The following RBPMS variants were observed in gnomAD, a reference collection of about 807,000 sequenced individuals.
RBPMS encodes RNA-binding protein with multiple splicing.
RBPMS carries 7 observed loss-of-function variants against 26.8 expected under a neutral mutation model. The observed-to-expected ratio is 0.26, with a 90% CI of 0.15 to 0.49. The LOEUF (loss-of-function observed/expected upper bound fraction) is 0.49. RBPMS is among the 20% of genes least tolerant of loss of function. RBPMS has a pLI of 0.98. For synonymous variants in RBPMS, 96 were observed against 93.3 expected (o/e 1.03, Z -0.17); for missense variants, 186 against 250.0 (o/e 0.74, Z 1.73).
chr8:30,456,909 A>G (rs1815283135), intron 1 of RBPMS, among the ~76,000 whole-genome samples: 1 of 152,252 alleles, frequency 6.6e-6, no homozygotes, highest in Non-Finnish European at 1.5e-5. Flanking sequence ...AGACAGAGCG[A>G]GACTCCATCT....
chr8:30,511,483 AAAAATATATATATATATATATATATAT>A (rs1237596899), intron 5 of RBPMS, among the ~76,000 whole-genome samples: 1 of 4,608 alleles, frequency 2.2e-4, no homozygotes, highest in African/African-American at 3.8e-4. Context: ...AAAAAAAAAA[AAAAATATATATATATATATATATATAT>A]ATATATATAT....
chr8:30,570,487 C>T (rs1012373152), intron 8 of RBPMS, 150 bp from the exon 9 acceptor site: 1 of 152,658 alleles, frequency 6.6e-6, no homozygotes, highest in African/African-American at 2.4e-5. Context: ...ACCACTGACA[C>T]ATGTGGTCAG....
intron 1 of RBPMS, among the ~76,000 whole-genome samples, chr8:30,418,211 C>T (rs1409618055): frequency 6.6e-6 from 1 of 152,120 alleles, no homozygotes; most frequent in Non-Finnish European, 1.5e-5. Context: ...TCTAGCTTGT[C>T]CATTTCTCAA....
intron 6 of RBPMS, chr8:30,547,473 G>C (rs754799389): frequency 6.4e-7 from 1 of 1,561,144 alleles, no homozygotes; most frequent in Non-Finnish European, 8.6e-7. Context: ...ATTTCTTGAC[G>C]ACCTTTGAGA....
chr8:30,484,936 A>G (rs1178794885), intron 4 of RBPMS, among the ~76,000 whole-genome samples: 11 of 152,238 alleles, frequency 7.2e-5, no homozygotes, highest in Admixed American at 6.5e-5. Flanking sequence ...TAATTAATTC[A>G]TTAGTTCTAT....
intron 4 of RBPMS, among the ~76,000 whole-genome samples, chr8:30,495,947 A>T (rs1033982250): frequency 6.6e-6 from 1 of 152,208 alleles, no homozygotes; most frequent in Non-Finnish European, 1.5e-5. Context: ...TAAAAATTGG[A>T]TTGTGATATG....
intron 2 of RBPMS, among the ~76,000 whole-genome samples, chr8:30,476,433 T>C (rs1284722195): frequency 1.3e-5 from 2 of 152,146 alleles, no homozygotes; most frequent in African/African-American, 4.8e-5. Flanking sequence ...AAACCTCTAG[T>C]TTTTTCAGAA....
At chr8:30,539,391 A>T (rs1825141323) in intron 5 of RBPMS, among the ~76,000 whole-genome samples, 2 of 152,296 alleles carry the variant, frequency 1.3e-5, no homozygotes, top group South Asian at 4.1e-4. Context: ...AAGGGACCCC[A>T]AACTATGAGA....
rs75828801 is a variant in RBPMS, at chr8:30,424,895, G to A, written c.66+39737G>A. ...ATTTTATTTTCTTGGGTACACGCGC[G>A]CACACACACACAAATTAGCATTAGC... On this transcript the variant is annotated intron_variant, in intron 1 of 8. Transcript: ENST00000397323. 2.8e-3 allele frequency among the ~76,000 whole-genome samples: 429 copies of A among 151,932 alleles called. 1 individual carries two copies. Among genetic ancestry groups the A allele is most frequent in the Non-Finnish European group, 4.0e-3 (272 of 67,966 alleles).
At chr8:30,490,279 A>G (rs1819248076) in intron 4 of RBPMS, among the ~76,000 whole-genome samples, 1 of 152,222 alleles carries the variant, frequency 6.6e-6, no homozygotes, top group African/African-American at 2.4e-5. Context: ...TCTCAAGCCT[A>G]TAAAATATTG....
chr8:30,457,928 A>T (rs527289731), intron 1 of RBPMS, among the ~76,000 whole-genome samples: 16 of 152,298 alleles, frequency 1.1e-4, no homozygotes, highest in African/African-American at 3.8e-4. Context: ...AAAGTGTAAC[A>T]AGGTAGCATT....
At chr8:30,416,625 C>T (rs1810113683) in intron 1 of RBPMS, among the ~76,000 whole-genome samples, 4 of 152,078 alleles carry the variant, frequency 2.6e-5, no homozygotes, top group Admixed American at 2.0e-4. Flanking sequence ...TGGGATGTGC[C>T]ACCAGGCCCA....
At chr8:30,458,743 T>G (rs1415911641) in intron 1 of RBPMS, among the ~76,000 whole-genome samples, 2 of 152,154 alleles carry the variant, frequency 1.3e-5, no homozygotes, top group Non-Finnish European at 2.9e-5. Context: ...AGACGGGATC[T>G]CACTGTCACT....
At chr8:30,393,523 T>C (rs1808032251) in intron 1 of RBPMS, among the ~76,000 whole-genome samples, 1 of 151,804 alleles carries the variant, frequency 6.6e-6, no homozygotes, top group Admixed American at 6.5e-5. Context: ...ATTTTCATTT[T>C]CTTTTTTTTT....
chr8:30,508,969 A>C (rs1821321642), intron 5 of RBPMS, among the ~76,000 whole-genome samples: 1 of 152,164 alleles, frequency 6.6e-6, no homozygotes, highest in Non-Finnish European at 1.5e-5. Flanking sequence ...TTCAGTTTTT[A>C]TGAAGCAGAT....
intron 1 of RBPMS, among the ~76,000 whole-genome samples, chr8:30,426,305 T>G (rs1204556748): frequency 6.6e-6 from 1 of 152,240 alleles, no homozygotes; most frequent in Non-Finnish European, 1.5e-5. Flanking sequence ...AAAATGAGTT[T>G]CACTGAAGTG....
intron 7 of RBPMS, among the ~76,000 whole-genome samples, chr8:30,563,351 G>A (rs754482306): frequency 2.2e-4 from 33 of 152,216 alleles, no homozygotes; most frequent in Non-Finnish European, 4.1e-4. Context: ...AAAATTGTCA[G>A]TTTCCCAGAT....
At chr8:30,557,338 T>A (rs1221041311) in intron 6 of RBPMS, among the ~76,000 whole-genome samples, 1 of 152,154 alleles carries the variant, frequency 6.6e-6, no homozygotes, top group Non-Finnish European at 1.5e-5. Flanking sequence ...CGGGGTGCTG[T>A]GTCGGATTTC....
chr8:30,498,583 A>G (rs1820222895), intron 4 of RBPMS, among the ~76,000 whole-genome samples: 1 of 152,252 alleles, frequency 6.6e-6, no homozygotes, highest in Non-Finnish European at 1.5e-5. Context: ...CTAACCCACA[A>G]ATAATCCAAA....
Sources: allele counts gnomAD v4.1 joint callset (sites outside exome capture counted in the v4.1 genomes callset), GRCh38; gene constraint gnomAD v4.1.1; transcripts MANE v1.5; gene names NCBI Gene and HGNC (gene_info 2026-07-23, HGNC 2026-07-21).